Variants in LOXHD1 observed in about 807,000 individuals in gnomAD.
The protein encoded by LOXHD1 is lipoxygenase homology domain-containing protein 1.
LOXHD1 carries 205 observed loss-of-function variants against 248.2 expected under a neutral mutation model. The ratio of observed to expected loss-of-function variants is 0.83; its 90% CI spans 0.74 to 0.93. LOXHD1 has a LOEUF of 0.93. Ranked by LOEUF, LOXHD1 falls within the 40% of genes least tolerant of loss-of-function variation. The probability of loss-of-function intolerance (pLI) is 0.00; values close to 1 mark genes in which losing one functional copy is unlikely to be tolerated. For missense variants in LOXHD1, 2,930 were observed against 2,971.6 expected, an observed-to-expected ratio of 0.99 and a Z score of 0.33; for synonymous variants, 1,113 against 1,162.8, an observed-to-expected ratio of 0.96 and a Z score of 0.87.
Position 46,533,257 on chromosome 18 carries a change from A to G in LOXHD1, c.4280T>C (p.Ile1427Thr), listed in dbSNP as rs945869323. The change falls in exon 28 of 41, where the codon ATT becomes ACT. Residue 1427 changes from isoleucine to threonine, a missense_variant. By Grantham distance (89) the Ile-to-Thr change is moderately conservative. Transcript: ENST00000642948. ...LATSEDDKKT[I>T]RELVPYDIFT... ...GATGTCATATGGAACCAGTTCTCGA[A>G]TGGTCTTTTTGTCATCCTCAGAGGT... 2.6e-6 allele frequency: 4 copies of G among 1,551,634 alleles called. No homozygotes were observed. Among genetic ancestry groups the G allele is most frequent in the Admixed American group, 2.0e-5 (1 of 50,988 alleles).
At chr18:46,555,235 T>C (rs1183604799) in intron 21 of LOXHD1, 7 of 467,972 alleles carry the variant, frequency 1.5e-5, no homozygotes, top group Non-Finnish European at 3.1e-5. Flanking sequence ...TTTCAGAACA[T>C]CTTAAGAAGT....
At chr18:46,612,692 A>T (rs1442412249) in intron 5 of LOXHD1, among the ~76,000 whole-genome samples, 1 of 152,150 alleles carries the variant, frequency 6.6e-6, no homozygotes, top group African/African-American at 2.4e-5. Flanking sequence ...AATTGAGATT[A>T]AAAAGATACT....
chr18:46,508,081 G>A (rs1191005081), intron 35 of LOXHD1, among the ~76,000 whole-genome samples: 2 of 152,162 alleles, frequency 1.3e-5, no homozygotes, highest in Admixed American at 6.5e-5. Context: ...GGAGCAGAAC[G>A]CTGACATTTG....
chr18:46,516,316 G>C (rs1598894462), intron 34 of LOXHD1, among the ~76,000 whole-genome samples: 1 of 152,284 alleles, frequency 6.6e-6, no homozygotes, highest in South Asian at 2.1e-4. Context: ...GCCTGACATG[G>C]AATAAATGTT....
chr18:46,533,802 T>A, intron 27 of LOXHD1: 1 of 244,926 alleles, frequency 4.1e-6, no homozygotes. Context: ...GGCGTGCGCC[T>A]GTAGTCCTAG....
rs572452348 is a variant in LOXHD1, at chr18:46,565,231, A to C, written c.2437+1026T>G. ...AGCTGAGATTGTGCCACTGCACTCC[A>C]GCCTGGGCAACAGAGTAAGGCTCTG... On this transcript the variant is annotated intron_variant, in intron 17 of 40. Transcript: ENST00000642948. 2.6e-5 allele frequency among the ~76,000 whole-genome samples: 4 copies of C among 151,086 alleles called. No individual in the cohort carries two copies. The South Asian group carries it at 8.5e-4, about 32-fold the overall frequency.
intron 26 of LOXHD1, among the ~76,000 whole-genome samples, chr18:46,535,645 G>A (rs1054569378): frequency 4.6e-5 from 7 of 152,020 alleles, no homozygotes; most frequent in South Asian, 2.1e-4. Flanking sequence ...CTCAGCTCAC[G>A]GCAACCTCCA....
intron 5 of LOXHD1, 132 bp from the exon 6 acceptor site, chr18:46,611,056 C>G (rs1599048468): frequency 3.0e-6 from 3 of 1,004,020 alleles, no homozygotes; most frequent in Non-Finnish European, 1.4e-6. Flanking sequence ...GATCTAAGGG[C>G]TCCTTACATC....
intron 4 of LOXHD1, among the ~76,000 whole-genome samples, chr18:46,635,326 TCCCAACTAAC>T (rs1050795401): frequency 2.7e-4 from 41 of 152,246 alleles, no homozygotes; most frequent in African/African-American, 9.4e-4. Flanking sequence ...CAGGAGGTTG[TCCCAACTAAC>T]CCCCACAATC....
At chr18:46,566,661 ATTCCC>A (rs2037649634) in intron 16 of LOXHD1, among the ~76,000 whole-genome samples, 1 of 152,172 alleles carries the variant, frequency 6.6e-6, no homozygotes, top group Non-Finnish European at 1.5e-5. Flanking sequence ...TGTAGCCACC[ATTCCC>A]TTCTCCTAAG....
chr18:46,640,978 C>G (rs1304162405), intron 3 of LOXHD1, among the ~76,000 whole-genome samples: 1 of 152,102 alleles, frequency 6.6e-6, no homozygotes, highest in East Asian at 1.9e-4. Flanking sequence ...CCATGATACA[C>G]CAGGCCCTTC....
At chr18:46,653,683 A>T (rs2039141457) in intron 1 of LOXHD1, among the ~76,000 whole-genome samples, 1 of 152,240 alleles carries the variant, frequency 6.6e-6, no homozygotes, top group Non-Finnish European at 1.5e-5. Flanking sequence ...AATGAATGAA[A>T]CAATCAATGA....
rs565949355 is a variant in LOXHD1, at chr18:46,507,427, T to G, written c.5692+111A>C. 680 of 1,211,034 alleles carry G rather than the reference T, an allele frequency of 5.6e-4. 1 individual carries two copies. The highest frequency in any genetic ancestry group is 7.1e-4 in the Non-Finnish European group (609 of 860,014). The allele number at this position is 1,211,034 out of a possible 1,614,324, so 75.0% of individuals were successfully genotyped here. On this transcript the variant is annotated intron_variant, in intron 36 of 40. Transcript: ENST00000642948. ...GTGGAGAAAACTTGGATTGACTAGA[T>G]TTTGGAAGGCCTTATGAAGAAAAAT...
chr18:46,577,603 G>A lies in LOXHD1; in HGVS notation c.1970+104C>T, dbSNP rs1315211911. 7 of 1,328,292 alleles carry A rather than the reference G, an allele frequency of 5.3e-6. No homozygotes were observed. The East Asian group carries it at 1.3e-4, about 24-fold the overall frequency. The allele number at this position is 1,328,292 out of a possible 1,614,324, so 82.3% of individuals were successfully genotyped here. Reference sequence around the variant, plus strand: ...TTTCTTGCACCAGCTATAGCCTTAAGCCACTGTTTTGCTTGCTGGTCATGG... The same window carrying A: ...TTTCTTGCACCAGCTATAGCCTTAAACCACTGTTTTGCTTGCTGGTCATGG... On this transcript the variant is annotated intron_variant, in intron 14 of 40. Transcript: ENST00000642948.
chr18:46,563,997 G>A (rs2144042068), intron 17 of LOXHD1, among the ~76,000 whole-genome samples: 1 of 152,256 alleles, frequency 6.6e-6, no homozygotes, highest in South Asian at 2.1e-4. Context: ...ATTATCATAA[G>A]GCAGGTGATT....
intron 17 of LOXHD1, among the ~76,000 whole-genome samples, chr18:46,565,660 T>G (rs1249422744): frequency 6.6e-6 from 1 of 152,214 alleles, no homozygotes; most frequent in Non-Finnish European, 1.5e-5. Context: ...GTATATAACC[T>G]ACACACATCC....
At position 46,610,898 on chromosome 18, in the gene LOXHD1, C is replaced by A; in HGVS notation, c.637G>T (p.Asp213Tyr). ...TGERRLENEK[D>Y]NFEKGAEDRF... is the part of the protein sequence containing the mutation. ...TCTTCAGCTCCCTTTTCAAAGTTGT[C>A]CTTTTCATTTTCTAGCCTACGCTCC... Residue 213 changes from aspartate to tyrosine, a missense_variant, in exon 6 of 41, where the codon GAC becomes TAC. Asp to Tyr is a radical substitution (Grantham distance 160). Coordinates refer to ENST00000642948, the MANE Select transcript of LOXHD1 (RefSeq NM_001384474.1). 6.4e-7 allele frequency: 1 copy of A among 1,551,876 alleles called. No homozygotes were observed. The highest frequency in any genetic ancestry group is 8.7e-7 in the Non-Finnish European group (1 of 1,147,014).
chr18:46,570,948 G>A (rs1403027923), intron 15 of LOXHD1, among the ~76,000 whole-genome samples: 3 of 152,144 alleles, frequency 2.0e-5, no homozygotes, highest in African/African-American at 7.2e-5. Context: ...GCTGGACTGG[G>A]AAGGACAGTG....
In LOXHD1 at chr18:46,560,475, C is replaced by T; in HGVS notation, c.2669G>A (p.Ser890Asn). ...CAGCCACACGGTGTCCACGAACCAG[C>T]TGGGCCCAAAGCCCTCGCCCGTGTG... ...LGHTGEGFGP[S>N]WFVDTVWLRH... The change falls in exon 19 of 41, where the codon AGC becomes AAC. Residue 890 changes from serine (S) to asparagine (N), a missense_variant. Transcript: ENST00000642948. 1 of 1,540,584 alleles carries T rather than the reference C, an allele frequency of 6.5e-7. No individual in the cohort carries two copies. Among genetic ancestry groups the T allele is most frequent in the Non-Finnish European group, 8.7e-7 (1 of 1,146,910 alleles).
Sources: gnomAD v4.1 joint callset for allele counts (sites outside exome capture counted in the v4.1 genomes callset) on GRCh38, gnomAD v4.1.1 for gene constraint, MANE v1.5 for transcripts, NCBI Gene and HGNC (gene_info 2026-07-23, HGNC 2026-07-21) for gene names.